Variants in EPAS1 observed in about 807,000 individuals in gnomAD.
The protein encoded by EPAS1 is endothelial PAS domain protein 1.
In EPAS1, 23 loss-of-function variants were observed where a neutral mutation model predicts 87.9. That is an observed-to-expected ratio of 0.26 (90% confidence interval 0.19 to 0.37). EPAS1 has a LOEUF of 0.37. EPAS1 is among the 10% of genes least tolerant of loss of function. EPAS1 has a pLI of 1.00. For synonymous variants in EPAS1, 508 were observed against 444.3 expected, an observed-to-expected ratio of 1.14 and a Z score of -1.80; for missense variants, 1,138 against 1,120.7, an observed-to-expected ratio of 1.02 and a Z score of -0.22.
chr2:46,370,794 C>T (rs1023420271), intron 7 of EPAS1, among the ~76,000 whole-genome samples: 2 of 152,210 alleles, frequency 1.3e-5, no homozygotes, highest in Admixed American at 6.5e-5. Context: ...CCAATTCAGG[C>T]TTCCTATAGG....
At chr2:46,343,356 G>A (rs150158976) in intron 1 of EPAS1, among the ~76,000 whole-genome samples, 140 of 152,302 alleles carry the variant, frequency 9.2e-4, no homozygotes, top group African/African-American at 2.7e-3. Context: ...TCTTCCCAAA[G>A]TATGTGTGAG....
chr2:46,333,589 C>T (rs530639377), intron 1 of EPAS1, among the ~76,000 whole-genome samples: 4 of 151,902 alleles, frequency 2.6e-5, no homozygotes, highest in South Asian at 2.1e-4. Flanking sequence ...GAAAGGGGTG[C>T]GGAGTTTGGG....
At chr2:46,303,317 C>T (rs1683047844) in intron 1 of EPAS1, among the ~76,000 whole-genome samples, 1 of 152,162 alleles carries the variant, frequency 6.6e-6, no homozygotes, top group African/African-American at 2.4e-5. Flanking sequence ...AGCTTAAAGA[C>T]TGGCTCAGAA....
intron 1 of EPAS1, among the ~76,000 whole-genome samples, chr2:46,345,329 T>G (rs371094452): frequency 6.6e-6 from 1 of 152,108 alleles, no homozygotes; most frequent in Non-Finnish European, 1.5e-5. Flanking sequence ...TATAGGTTAT[T>G]TATAGAAACA....
At chr2:46,382,357 T>C in intron 14 of EPAS1, 68 bp from the exon 15 acceptor site, 1 of 1,589,300 alleles carries the variant, frequency 6.3e-7, no homozygotes, top group Non-Finnish European at 8.6e-7. Context: ...AAAGGGATGC[T>C]AGGGCTTCCT....
At chr2:46,348,983 G>C (rs1311894795) in intron 2 of EPAS1, among the ~76,000 whole-genome samples, 1 of 152,216 alleles carries the variant, frequency 6.6e-6, no homozygotes, top group African/African-American at 2.4e-5. Context: ...GACAGGTTAA[G>C]ATTGCTCAAA....
intron 2 of EPAS1, among the ~76,000 whole-genome samples, chr2:46,355,525 G>A (rs757117991): frequency 3.3e-5 from 5 of 152,154 alleles, no homozygotes; most frequent in African/African-American, 9.7e-5. Context: ...TAGCTACCTC[G>A]TCGGTCACTG....
At position 46,336,825 on chromosome 2, in the gene EPAS1, A is replaced by G. The variant is rs927185893; in HGVS notation, c.27-10048A>G. 1.2e-4 allele frequency among the ~76,000 whole-genome samples: 18 copies of G among 152,236 alleles called. No individual in the cohort carries two copies. The South Asian group carries it at 3.5e-3, about 30-fold the overall frequency. On this transcript the variant is annotated intron_variant, in intron 1 of 15. Coordinates refer to ENST00000263734, the MANE Select transcript of EPAS1 (RefSeq NM_001430.5). ...TCAGCCCAGATCCTACTGAGCCTGC[A>G]CTGTAACAAGATCCCTGGGTGATTC... is the stretch of plus-strand genomic sequence containing the variant.
rs1684362907 is a variant in EPAS1, at chr2:46,360,458, A to C, written c.455-180A>C. Among the ~76,000 whole-genome samples the C allele has an allele frequency of 6.6e-6, 1 of 152,226 alleles. No individual in the cohort carries two copies. Among genetic ancestry groups the C allele is most frequent in the Non-Finnish European group, 1.5e-5 (1 of 68,040 alleles). On this transcript the variant is annotated intron_variant, in intron 4 of 15. Transcript: ENST00000263734. This position sits in a 1 kb window ranked among gnomAD's most constrained non-coding sequence, Gnocchi z 4.5. ...TTGAGGAGATAAGCTTGAGAGTGGG[A>C]ACCATTAGTTCACAGGCCATGATGG...
intron 2 of EPAS1, among the ~76,000 whole-genome samples, chr2:46,355,552 T>C (rs1336639389): frequency 1.3e-5 from 2 of 152,240 alleles, no homozygotes; most frequent in Non-Finnish European, 1.5e-5. Flanking sequence ...TTACATAGCA[T>C]GCTTAGTGCA....
At chr2:46,304,189 A>G (rs1048831060) in intron 1 of EPAS1, among the ~76,000 whole-genome samples, 1 of 152,232 alleles carries the variant, frequency 6.6e-6, no homozygotes, top group Non-Finnish European at 1.5e-5. Flanking sequence ...AAAAACTGAC[A>G]GTCTTATTTG....
In EPAS1 at chr2:46,375,038, T is replaced by C. The variant is rs1684708780; in HGVS notation, c.887-652T>C. Reference sequence around the variant, plus strand: ...CCCCAACTGAGAAAGGGTGGGGTGGTTTGCCTCTGCCTTTGCTGTGGGTCA... The same window carrying C: ...CCCCAACTGAGAAAGGGTGGGGTGGCTTGCCTCTGCCTTTGCTGTGGGTCA... On this transcript the variant is annotated intron_variant, in intron 7 of 15. Coordinates refer to ENST00000263734, the MANE Select transcript of EPAS1 (RefSeq NM_001430.5). This position sits in a 1 kb window ranked among gnomAD's most constrained non-coding sequence, Gnocchi z 4.1. 1.3e-5 allele frequency among the ~76,000 whole-genome samples: 2 copies of C among 152,100 alleles called. No individual in the cohort carries two copies. The highest frequency in any genetic ancestry group is 4.2e-4 in the South Asian group (2 of 4,818).
intron 2 of EPAS1, among the ~76,000 whole-genome samples, chr2:46,355,176 G>A (rs1402249317): frequency 6.6e-6 from 1 of 152,180 alleles, no homozygotes; most frequent in Non-Finnish European, 1.5e-5. Context: ...AGCAATTTGA[G>A]GGTAGTGCAT....
In EPAS1 at chr2:46,380,331, G is replaced by T; in HGVS notation, c.1659G>T (p.Ala553=). The T allele has an allele frequency of 6.2e-7, 1 of 1,614,070 alleles. No homozygotes were observed. Among genetic ancestry groups the T allele is most frequent in the Non-Finnish European group, 8.5e-7 (1 of 1,179,992 alleles). The change falls in exon 12 of 16, where the codon GCG becomes GCT. Residue 553 remains alanine, a synonymous_variant. Transcript: ENST00000263734. This position sits in a 1 kb window ranked among gnomAD's most constrained non-coding sequence, Gnocchi z 4.4. ...SPICPEERLL[A]ENPQSTPQHC... is the part of the protein sequence containing the mutation. Reference sequence around the variant, plus strand: ...TCTGCCCCGAGGAGCGGCTCTTGGCGGAGAACCCACAGTCCACCCCCCAGC... The same window carrying T: ...TCTGCCCCGAGGAGCGGCTCTTGGCTGAGAACCCACAGTCCACCCCCCAGC...
intron 11 of EPAS1, among the ~76,000 whole-genome samples, chr2:46,379,009 C>A (rs1684822117): frequency 6.6e-6 from 1 of 152,210 alleles, no homozygotes; most frequent in Non-Finnish European, 1.5e-5. Context: ...GCTTTCTTAG[C>A]ACACATGAAA....
chr2:46,313,338 G>C (rs1292321417), intron 1 of EPAS1, among the ~76,000 whole-genome samples: 3 of 152,036 alleles, frequency 2.0e-5, no homozygotes, highest in Non-Finnish European at 4.4e-5. Flanking sequence ...TCAGGTCTCA[G>C]CTTAAATATC....
intron 1 of EPAS1, among the ~76,000 whole-genome samples, chr2:46,301,643 T>C (rs1243595117): frequency 6.6e-6 from 1 of 151,910 alleles, no homozygotes; most frequent in East Asian, 1.9e-4. Context: ...TATTTTCCTA[T>C]TGTTCACAGG....
At chr2:46,331,834 A>G (rs1450717748) in intron 1 of EPAS1, among the ~76,000 whole-genome samples, 1 of 152,076 alleles carries the variant, frequency 6.6e-6, no homozygotes, top group Non-Finnish European at 1.5e-5. Flanking sequence ...AATCTTCTAA[A>G]TCGTTTAATC....
intron 1 of EPAS1, among the ~76,000 whole-genome samples, chr2:46,334,501 C>T (rs1489044838): frequency 1.3e-5 from 2 of 152,124 alleles, no homozygotes; most frequent in Non-Finnish European, 2.9e-5. Flanking sequence ...CTTTCAAAGC[C>T]AACCTCCAGC....
Sources: gnomAD v4.1 joint callset for allele counts (sites outside exome capture counted in the v4.1 genomes callset) on GRCh38, gnomAD v4.1.1 for gene constraint, Gnocchi (gnomAD v3.1) non-coding constraint, MANE v1.5 for transcripts, NCBI Gene and HGNC (gene_info 2026-07-23, HGNC 2026-07-21) for gene names.